MMRN1: variants seen among roughly 807,000 people sequenced by gnomAD.
MMRN1 encodes the protein multimerin-1.
MMRN1 carries 94 observed loss-of-function variants against 100.7 expected under a neutral mutation model. The ratio of observed to expected loss-of-function variants is 0.93; its 90% CI spans 0.79 to 1.11. The LOEUF (loss-of-function observed/expected upper bound fraction) is 1.11. Among genes scored for constraint, MMRN1 ranks in the 50% least tolerant of loss-of-function variants. The pLI, the probability that MMRN1 is intolerant of heterozygous loss-of-function variation, is 0.00. For synonymous variants in MMRN1, 575 were observed against 505.0 expected (o/e 1.14, Z -1.86); for missense variants, 1,606 against 1,439.1 (o/e 1.12, Z -1.88).
intron 6 of MMRN1, among the ~76,000 whole-genome samples, chr4:89,944,040 AT>A (rs1722914573): frequency 6.6e-6 from 1 of 152,014 alleles, no homozygotes; most frequent in Non-Finnish European, 1.5e-5. Context: ...GTTCTGTTAT[AT>A]TTTATACTTT....
chr4:89,937,932 G>T (rs1253744210), intron 6 of MMRN1, among the ~76,000 whole-genome samples: 1 of 151,970 alleles, frequency 6.6e-6, no homozygotes, highest in African/African-American at 2.4e-5. Flanking sequence ...TTATGAATAT[G>T]GTTGTCATAT....
chr4:89,914,932 T>C (rs553847706), intron 3 of MMRN1, among the ~76,000 whole-genome samples: 1 of 151,628 alleles, frequency 6.6e-6, no homozygotes, highest in East Asian at 1.9e-4. Context: ...TTTTTAAAAA[T>C]CCAGTGGCTT....
At chr4:89,881,008 T>C (rs1411529150) in intron 1 of MMRN1, among the ~76,000 whole-genome samples, 2 of 152,188 alleles carry the variant, frequency 1.3e-5, no homozygotes, top group Non-Finnish European at 2.9e-5. Context: ...TAATAACTAT[T>C]GGGATTTAGT....
intron 1 of MMRN1, among the ~76,000 whole-genome samples, chr4:89,886,506 T>C (rs1211713884): frequency 1.3e-5 from 2 of 152,112 alleles, no homozygotes; most frequent in African/African-American, 2.4e-5. Context: ...ATTTAAAAAG[T>C]ATGTGTTCTG....
At chr4:89,891,840 A>G (rs1181338119), upstream of MMRN1, among the ~76,000 whole-genome samples, 1 of 152,066 alleles carries the variant, frequency 6.6e-6, no homozygotes, top group Non-Finnish European at 1.5e-5. Flanking sequence ...TGAAAAATGA[A>G]GAAAACAGCT....
At chr4:89,900,209 C>T (rs1465041935) in intron 1 of MMRN1, among the ~76,000 whole-genome samples, 4 of 152,094 alleles carry the variant, frequency 2.6e-5, no homozygotes, top group African/African-American at 7.2e-5. Context: ...TTTCAAGACA[C>T]ATTCTTGATT....
At chr4:89,946,906 T>A (rs184860714) in intron 6 of MMRN1, among the ~76,000 whole-genome samples, 4 of 152,068 alleles carry the variant, frequency 2.6e-5, no homozygotes, top group African/African-American at 9.7e-5. Context: ...ATTGCACTGA[T>A]CTCCATTAAA....
rs769362635 is a variant in MMRN1 at position 89,927,958 on chromosome 4, T to G, written c.1119T>G (p.Ser373=). The part of the protein sequence containing the change: ...VSEDKSREFQ[S]LLKGLKSKSI... Reference sequence around the variant, plus strand: ...AAGATAAAAGCAGAGAATTTCAATCTCTTCTAAAAGGTAAAAATGAAATAA... The same window carrying G: ...AAGATAAAAGCAGAGAATTTCAATCGCTTCTAAAAGGTAAAAATGAAATAA... Residue 373 remains serine (S), a synonymous_variant, in exon 5 of 8, where the codon TCT becomes TCG. Coordinates refer to ENST00000264790, the MANE Select transcript of MMRN1 (RefSeq NM_007351.3). 6.3e-7 allele frequency: 1 copy of G among 1,585,950 alleles called. No homozygotes were observed. The highest frequency in any genetic ancestry group is 1.9e-5 in the Admixed American group (1 of 53,966).
intron 3 of MMRN1, among the ~76,000 whole-genome samples, chr4:89,914,858 G>A (rs1427441479): frequency 6.6e-6 from 1 of 151,464 alleles, no homozygotes; most frequent in African/African-American, 2.4e-5. Context: ...GACACAAAGG[G>A]CAATGATTTA....
intron 1 of MMRN1, among the ~76,000 whole-genome samples, chr4:89,896,075 G>A (rs373522616): frequency 2.0e-5 from 3 of 152,314 alleles, no homozygotes; most frequent in South Asian, 4.1e-4. Flanking sequence ...CCTGGCTTCA[G>A]TATGGTCTAG....
At chr4:89,939,953 C>T (rs904955579) in intron 6 of MMRN1, among the ~76,000 whole-genome samples, 10 of 152,090 alleles carry the variant, frequency 6.6e-5, no homozygotes, top group African/African-American at 7.2e-5. Flanking sequence ...CTTTGACTGA[C>T]GAAGAAGAGG....
chr4:89,929,731 C>A (rs1194590692), intron 5 of MMRN1, among the ~76,000 whole-genome samples: 2 of 152,076 alleles, frequency 1.3e-5, no homozygotes, highest in Admixed American at 1.3e-4. Context: ...GTGTACTGAG[C>A]ACAGTCATTA....
In MMRN1 at chr4:89,953,119, T is replaced by TA. The variant is rs746322702; in HGVS notation, c.3389dup (p.Tyr1130Ter). The TA allele has an allele frequency of 1.9e-6, 3 of 1,613,918 alleles. No individual in the cohort carries two copies. Among genetic ancestry groups the TA allele is most frequent in the Non-Finnish European group, 1.7e-6 (2 of 1,179,886 alleles). ...NNLDVNYGASYTPRTGKFRIP... is the reference protein window; with the variant it reads ...NNLDVNYGAS ...CTTGGATGTCAATTATGGAGCTTCATATACCCCAAGAACTGGAAAATTTAG... is the reference window on the plus strand; with the variant it reads ...CTTGGATGTCAATTATGGAGCTTCATAATACCCCAAGAACTGGAAAATTTAG... Residue 1130 changes from tyrosine (Y) to a stop codon, truncating the protein, a stop_gained and frameshift_variant, in exon 8 of 8, where the codon TAT (tyrosine) becomes TAAT (stop). Coordinates refer to ENST00000264790, the MANE Select transcript of MMRN1 (RefSeq NM_007351.3). LOFTEE classifies it high-confidence loss of function.
At chr4:89,887,096 A>G (rs897005681) in intron 1 of MMRN1, among the ~76,000 whole-genome samples, 1 of 152,096 alleles carries the variant, frequency 6.6e-6, no homozygotes, top group Non-Finnish European at 1.5e-5. Context: ...AAATTAAAGA[A>G]AACATGTGTA....
intron 6 of MMRN1, among the ~76,000 whole-genome samples, chr4:89,937,679 G>C (rs1296736365): frequency 6.6e-6 from 1 of 152,020 alleles, no homozygotes; most frequent in Non-Finnish European, 1.5e-5. Context: ...GTGCTTAGTA[G>C]AGATATGCCG....
chr4:89,939,452 A>T (rs1206617201), intron 6 of MMRN1, among the ~76,000 whole-genome samples: 1 of 152,164 alleles, frequency 6.6e-6, no homozygotes, highest in Non-Finnish European at 1.5e-5. Flanking sequence ...ATTGGTTAGT[A>T]TTCATTAACA....
Position 89,895,445 on chromosome 4 carries a change from AGTTGGAGGCACTGGAGGCATTGGAGGC to A in MMRN1, c.493_519del (p.Ile165_Gly173del), listed in dbSNP as rs1260509126. On this transcript the variant is annotated inframe_deletion, in exon 1 of 8. Coordinates refer to ENST00000264790, the MANE Select transcript of MMRN1 (RefSeq NM_007351.3). ...ATGAACAAGCAACTTCTCTAAACAC[AGTTGGAGGCACTGGAGGCATTGGAGGC>A]GTTGGAGGCACTGGAGGCGTGGGAA... 7 of 1,613,832 alleles carry A rather than the reference AGTTGGAGGCACTGGAGGCATTGGAGGC, an allele frequency of 4.3e-6. No individual in the cohort carries two copies. In the Admixed American group the frequency reaches 8.3e-5, roughly 19 times the overall value.
Position 89,894,915 on chromosome 4 carries a change from G to C in MMRN1, c.-57G>C. 1 of 1,552,322 alleles carries C rather than the reference G, an allele frequency of 6.4e-7. No homozygotes were observed. The highest frequency in any genetic ancestry group is 8.7e-7 in the Non-Finnish European group (1 of 1,151,624). On this transcript the variant is annotated 5_prime_UTR_variant, in exon 1 of 8. Transcript: ENST00000264790. ...CAGTGTGGAAGCAGCTATCAAAAAG[G>C]CCATAAGGATTTTGTCCCCAAATTT...
chr4:89,910,395 TTTTTC>T (rs1169263250), intron 2 of MMRN1, among the ~76,000 whole-genome samples: 1 of 151,502 alleles, frequency 6.6e-6, no homozygotes, highest in African/African-American at 2.4e-5. Flanking sequence ...TCTTTTTATT[TTTTTC>T]TTTTCTTTAA....
Sources: gnomAD v4.1 joint callset for allele counts (sites outside exome capture counted in the v4.1 genomes callset) on GRCh38, gnomAD v4.1.1 for gene constraint, MANE v1.5 for transcripts, NCBI Gene and HGNC (gene_info 2026-07-23, HGNC 2026-07-21) for gene names.